SMIM7: variants seen among roughly 807,000 people sequenced by gnomAD.
SMIM7 encodes the protein small integral membrane protein 7.
A neutral mutation model predicts 13.3 loss-of-function variants in SMIM7; 12 were observed. The ratio of observed to expected loss-of-function variants is 0.90; its 90% CI spans 0.58 to 1.46. SMIM7 has a LOEUF of 1.46. Ranked by LOEUF, SMIM7 falls within the 40% of genes most tolerant of loss-of-function variation. SMIM7 has a pLI of 0.00. For synonymous variants in SMIM7, 36 were observed against 35.8 expected (o/e 1.01, Z -0.02); for missense variants, 114 against 94.8 (o/e 1.20, Z -0.84).
intron 4 of SMIM7, among the ~76,000 whole-genome samples, chr19:16,635,541 C>A (rs998754315): frequency 2.0e-5 from 3 of 152,034 alleles, no homozygotes; most frequent in Non-Finnish European, 2.9e-5. Flanking sequence ...GCCAATGGAG[C>A]TTCCCAGAAA....
chr19:16,660,064 G>C lies in SMIM7; in HGVS notation c.26+21C>G, dbSNP rs545745635. On this transcript the variant is annotated intron_variant, in intron 1 of 4. Coordinates refer to ENST00000487416, the MANE Select transcript of SMIM7 (RefSeq NM_024104.4). ...CGTCCTGCCTGGCTCTCTCTTCCCA[G>C]CCTCTGGTCCCCCTAATTACCCGAA... 27 of 1,614,206 alleles carry C rather than the reference G, an allele frequency of 1.7e-5. 1 individual carries two copies. In the East Asian group the frequency reaches 5.3e-4, roughly 32 times the overall value.
At chr19:16,638,999 C>T (rs1336988987) in intron 4 of SMIM7, 1 of 152,128 alleles carries the variant, frequency 6.6e-6, no homozygotes, top group Admixed American at 6.6e-5. Context: ...TTTCCCCTAA[C>T]ATTTCCACAG....
intron 4 of SMIM7, chr19:16,652,966 T>C (rs1181967399): frequency 6.5e-7 from 1 of 1,550,174 alleles, no homozygotes; most frequent in South Asian, 1.2e-5. Context: ...CTCAGCCTAA[T>C]GAGAAAATGA....
At chr19:16,652,743 C>T in intron 4 of SMIM7, 3 of 1,457,756 alleles carry the variant, frequency 2.1e-6, no homozygotes, top group Non-Finnish European at 1.8e-6. Context: ...AGCAACCCCA[C>T]ATTCGGAGTC....
chr19:16,631,635 C>G (rs1269637496), exon 5 of SMIM7: 2 of 152,208 alleles, frequency 1.3e-5, no homozygotes, highest in Admixed American at 1.3e-4. Flanking sequence ...GTTCACACAG[C>G]TGTACAGGAA....
In SMIM7 at chr19:16,651,837, C is replaced by T. The variant is rs538770919; in HGVS notation, c.212+2198G>A. ...AAGCATGCTGACTTCTTCCCTGCCC[C>T]AGGACCTTTGCAAAGATGAGAATGA... On this transcript the variant is annotated intron_variant, in intron 4 of 4. Transcript: ENST00000487416. 3.5e-4 allele frequency among the ~76,000 whole-genome samples: 51 copies of T among 147,084 alleles called. 1 individual carries two copies. The South Asian group carries it at 0.011, about 32-fold the overall frequency.
Position 16,646,487 on chromosome 19 carries a change from C to T in SMIM7, c.*759G>A, listed in dbSNP as rs1193451937. ...CAAAATCACCTACTCAAAAAGCAGA[C>T]TCAGAAACCCAAGGTTTTAGAACAT... On this transcript the variant is annotated 3_prime_UTR_variant, in exon 5 of 5. Transcript: ENST00000487416. 1 of 153,656 alleles carries T rather than the reference C, an allele frequency of 6.5e-6. No individual in the cohort carries two copies. Among genetic ancestry groups the T allele is most frequent in the Non-Finnish European group, 1.5e-5 (1 of 68,202 alleles). 9.5% of individuals were successfully genotyped at this position (153,656 alleles called of 1,614,324 possible).
At chr19:16,659,215 C>T in intron 3 of SMIM7, 180 bp downstream of exon 3, 1 of 669,152 alleles carries the variant, frequency 1.5e-6, no homozygotes. Context: ...CTCAGGAGGT[C>T]GAGTCTGCAG....
chr19:16,643,888 C>A (rs1321896886), downstream of SMIM7: 1 of 152,186 alleles, frequency 6.6e-6, no homozygotes, highest in African/African-American at 2.4e-5. Flanking sequence ...TAATCCAAGT[C>A]CAGCAACAAG....
At chr19:16,641,498 A>G (rs139528311), downstream of SMIM7, 13,009 of 152,060 alleles carry the variant, frequency 0.086, 658 homozygotes, top group African/African-American at 0.13. Flanking sequence ...GCATTTCTCC[A>G]TGTTGGCCAG....
chr19:16,640,508 G>C (rs2086396937), intron 4 of SMIM7: 1 of 152,244 alleles, frequency 6.6e-6, no homozygotes, highest in African/African-American at 2.4e-5. Flanking sequence ...CCTTGCTAAT[G>C]ACAGCTTCGC....
intron 2 of SMIM7, 135 bp from the exon 3 acceptor site, chr19:16,659,582 G>C: frequency 7.1e-6 from 6 of 849,314 alleles, no homozygotes; most frequent in Non-Finnish European, 1.1e-5. Flanking sequence ...GACCTCTGAC[G>C]TTCAATACCC....
chr19:16,653,984 GAGA>G (rs1568306095), intron 4 of SMIM7, 48 bp downstream of exon 4: 1 of 1,478,878 alleles, frequency 6.8e-7, no homozygotes, highest in Admixed American at 1.7e-5. Context: ...GGTCACCCTG[GAGA>G]AGGAGACTAA....
downstream of SMIM7, among the ~76,000 whole-genome samples, chr19:16,642,344 G>A (rs766312733): frequency 6.6e-5 from 10 of 152,036 alleles, no homozygotes; most frequent in Non-Finnish European, 1.3e-4. Flanking sequence ...GGTCACTTGA[G>A]GGCAGAAGTT....
At chr19:16,656,177 C>G (rs187689284) in intron 3 of SMIM7, among the ~76,000 whole-genome samples, 1 of 151,536 alleles carries the variant, frequency 6.6e-6, no homozygotes, top group Non-Finnish European at 1.5e-5. Context: ...CCTGAGGTCG[C>G]GAGTTTGAGA....
chr19:16,655,065 C>G (rs530691638), intron 3 of SMIM7, among the ~76,000 whole-genome samples: 2 of 152,282 alleles, frequency 1.3e-5, no homozygotes, highest in South Asian at 4.1e-4. Context: ...ACTCCAACCC[C>G]AACCCTAATC....
chr19:16,635,162 G>C (rs998785327), intron 4 of SMIM7: 1 of 149,852 alleles, frequency 6.7e-6, no homozygotes, highest in African/African-American at 2.5e-5. Flanking sequence ...AGGAGTTTGA[G>C]ACCAGCCTGG....
At chr19:16,658,863 A>ATATG (rs2086629863) in intron 3 of SMIM7, among the ~76,000 whole-genome samples, 1 of 152,050 alleles carries the variant, frequency 6.6e-6, no homozygotes, top group Non-Finnish European at 1.5e-5. Context: ...CAGCAAACAT[A>ATATG]ACAGAACATT....
intron 2 of SMIM7, 33 bp downstream of exon 2, chr19:16,659,926 G>T: frequency 6.3e-7 from 1 of 1,597,922 alleles, no homozygotes. Context: ...GGGTTCCCCG[G>T]ATGGAGCCGC....
Sources: gnomAD v4.1 joint callset for allele counts (sites outside exome capture counted in the v4.1 genomes callset) on GRCh38, gnomAD v4.1.1 for gene constraint, MANE v1.5 for transcripts, NCBI Gene and HGNC (gene_info 2026-07-23, HGNC 2026-07-21) for gene names.